Variants in FSTL5 observed in about 807,000 individuals in gnomAD.
FSTL5 encodes the protein follistatin like 5.
A neutral mutation model predicts 89.1 loss-of-function variants in FSTL5; 62 were observed. The observed-to-expected ratio is 0.70, with a 90% CI of 0.57 to 0.86. The LOEUF (loss-of-function observed/expected upper bound fraction) is 0.86, where lower values mean the gene tolerates loss of function less well. FSTL5 is among the 40% of genes least tolerant of loss of function. FSTL5 has a pLI of 0.00. For missense variants in FSTL5, 1,057 were observed against 1,001.6 expected (o/e 1.06, Z -0.75); for synonymous variants, 383 against 346.2 (o/e 1.11, Z -1.18).
At chr4:162,064,389 C>T (rs1738820742) in intron 2 of FSTL5, among the ~76,000 whole-genome samples, 1 of 152,002 alleles carries the variant, frequency 6.6e-6, no homozygotes. Context: ...TTTAGTCAAA[C>T]ATTTTCTGTG....
chr4:161,643,527 C>T (rs1303374214), intron 7 of FSTL5, among the ~76,000 whole-genome samples: 1 of 150,922 alleles, frequency 6.6e-6, no homozygotes, highest in Non-Finnish European at 1.5e-5. Flanking sequence ...AATATTATCT[C>T]TTACAGTTGT....
intron 11 of FSTL5, among the ~76,000 whole-genome samples, chr4:161,502,828 AGAGGAATATAAAT>A (rs1428276225): frequency 5.3e-5 from 8 of 151,842 alleles, no homozygotes; most frequent in Non-Finnish European, 1.2e-4. Context: ...TCCTCAGCAA[AGAGGAATATAAAT>A]GACCTGATGA....
At chr4:162,044,668 C>T (rs1560988926) in intron 2 of FSTL5, among the ~76,000 whole-genome samples, 1 of 152,112 alleles carries the variant, frequency 6.6e-6, no homozygotes, top group Non-Finnish European at 1.5e-5. Context: ...TTGTTTCGTC[C>T]AATTGAAAAA....
chr4:161,793,774 A>C (rs1179165804), intron 4 of FSTL5, among the ~76,000 whole-genome samples: 1 of 151,854 alleles, frequency 6.6e-6, no homozygotes, highest in Non-Finnish European at 1.5e-5. Context: ...GTGCCTGGCT[A>C]ATTTTTGTAT....
chr4:161,885,329 T>C (rs1459477071), intron 4 of FSTL5, among the ~76,000 whole-genome samples: 1 of 152,178 alleles, frequency 6.6e-6, no homozygotes, highest in Non-Finnish European at 1.5e-5. Flanking sequence ...ACATTCTTGA[T>C]GGTATACTCT....
chr4:161,894,478 A>T (rs146629071), intron 4 of FSTL5, among the ~76,000 whole-genome samples: 1,689 of 151,652 alleles, frequency 0.011, 39 homozygotes, highest in African/African-American at 0.037. Flanking sequence ...CTCTATATAT[A>T]TCTTTTTTCT....
intron 2 of FSTL5, among the ~76,000 whole-genome samples, chr4:162,083,532 A>G (rs1730185813): frequency 6.6e-6 from 1 of 151,760 alleles, no homozygotes; most frequent in Non-Finnish European, 1.5e-5. Flanking sequence ...TTAAAAGAAA[A>G]TGAAATAATT....
intron 3 of FSTL5, among the ~76,000 whole-genome samples, chr4:162,002,847 A>G (rs924382668): frequency 2.2e-4 from 33 of 151,908 alleles, no homozygotes; most frequent in Non-Finnish European, 4.1e-4. Context: ...TTGGGTTGTT[A>G]GAAATCAGCA....
chr4:161,386,698 A>T (rs1730663322), intron 15 of FSTL5: 2 of 422,212 alleles, frequency 4.7e-6, no homozygotes, highest in African/African-American at 4.0e-5. Context: ...AAAGCAATAC[A>T]TCTAGTTAAT....
intron 6 of FSTL5, among the ~76,000 whole-genome samples, chr4:161,696,320 G>C (rs1375256070): frequency 1.3e-5 from 2 of 152,080 alleles, no homozygotes; most frequent in Non-Finnish European, 2.9e-5. Context: ...TGGCCTTTAT[G>C]ACTATTTTTA....
intron 4 of FSTL5, among the ~76,000 whole-genome samples, chr4:161,884,342 C>G (rs988778277): frequency 1.3e-5 from 2 of 152,296 alleles, no homozygotes; most frequent in Non-Finnish European, 2.9e-5. Context: ...GGAGTGCTCA[C>G]TACACTACTG....
At chr4:161,951,170 T>C (rs1734883827) in intron 3 of FSTL5, among the ~76,000 whole-genome samples, 1 of 152,056 alleles carries the variant, frequency 6.6e-6, no homozygotes. Context: ...TCTTCCTTCA[T>C]CTTCCACCAT....
intron 7 of FSTL5, among the ~76,000 whole-genome samples, chr4:161,597,409 C>T (rs1347090030): frequency 5.0e-5 from 7 of 140,782 alleles, no homozygotes; most frequent in Admixed American, 1.6e-4. Context: ...TGTTCTCACT[C>T]GTAGGTGGGA....
chr4:161,597,609 G>A (rs987631881), intron 7 of FSTL5, among the ~76,000 whole-genome samples: 10 of 150,708 alleles, frequency 6.6e-5, no homozygotes, highest in Admixed American at 4.6e-4. Flanking sequence ...GCACATGTAC[G>A]CTAGAACTTA....
rs148971331 is a variant in FSTL5 at position 161,693,592 on chromosome 4, C to A, written c.728-37098G>T. Among the ~76,000 whole-genome samples, 905 of 141,868 alleles carry A rather than the reference C, an allele frequency of 6.4e-3. 13 individuals are homozygous for A. The highest frequency in any genetic ancestry group is 0.052 in the South Asian group (229 of 4,428). The allele number at this position is 141,868 out of a possible 152,430, so 93.1% of individuals were successfully genotyped here. ...AATTTGTCCATTTCATCTAGATTGTCTATTTTGTTGATAAACAAATGTTGA... is the reference window on the plus strand; with the variant it reads ...AATTTGTCCATTTCATCTAGATTGTATATTTTGTTGATAAACAAATGTTGA... On this transcript the variant is annotated intron_variant, in intron 6 of 15. Transcript: ENST00000306100.
chr4:162,100,283 G>A (rs777669830), intron 2 of FSTL5, among the ~76,000 whole-genome samples: 191 of 152,258 alleles, frequency 1.3e-3, no homozygotes, highest in African/African-American at 3.3e-3. Flanking sequence ...AGAGGAGGCC[G>A]GGTACGGTGG....
intron 6 of FSTL5, among the ~76,000 whole-genome samples, chr4:161,675,238 G>C (rs1737261927): frequency 6.7e-6 from 1 of 149,686 alleles, no homozygotes; most frequent in Non-Finnish European, 1.5e-5. Flanking sequence ...TATTTCACTA[G>C]TGTTATTCTT....
At chr4:161,749,674 C>A (rs1464968403) in intron 6 of FSTL5, among the ~76,000 whole-genome samples, 1 of 152,026 alleles carries the variant, frequency 6.6e-6, no homozygotes, top group Non-Finnish European at 1.5e-5. Context: ...GGCCTGTAGT[C>A]CCAGCTACTC....
chr4:161,551,002 G>C (rs566157240), intron 8 of FSTL5, among the ~76,000 whole-genome samples: 3 of 151,954 alleles, frequency 2.0e-5, no homozygotes. Flanking sequence ...ATTTGGGTTG[G>C]TTCCAAGTCT....
Sources: gnomAD v4.1 joint callset for allele counts (sites outside exome capture counted in the v4.1 genomes callset) on GRCh38, gnomAD v4.1.1 for gene constraint, MANE v1.5 for transcripts, NCBI Gene and HGNC (gene_info 2026-07-23, HGNC 2026-07-21) for gene names.